The following TTC28 variants were observed in gnomAD, a reference collection of about 807,000 sequenced individuals.
TTC28 encodes tetratricopeptide repeat protein 28.
Under a neutral mutation model 198.0 loss-of-function variants are expected in TTC28, and 61 were observed. The ratio of observed to expected loss-of-function variants is 0.31; its 90% CI spans 0.25 to 0.38. The LOEUF is 0.38. Ranked by LOEUF, TTC28 falls within the 10% of genes least tolerant of loss-of-function variation. TTC28 has a pLI of 1.00. For missense variants in TTC28, 2,678 were observed against 3,164.0 expected (o/e 0.85, Z 3.69); for synonymous variants, 1,171 against 1,297.8 (o/e 0.90, Z 2.10).
chr22:28,182,437 CAG>C (rs1461911030), intron 5 of TTC28, among the ~76,000 whole-genome samples: 2 of 151,794 alleles, frequency 1.3e-5, no homozygotes, highest in Non-Finnish European at 1.5e-5. Context: ...TGAAGAAACT[CAG>C]AGAGAGAGAG....
At chr22:28,245,139 T>C (rs1189655415) in intron 5 of TTC28, among the ~76,000 whole-genome samples, 2 of 152,216 alleles carry the variant, frequency 1.3e-5, no homozygotes, top group Admixed American at 1.3e-4. Context: ...GTCATGCTTA[T>C]ATTCACAAAT....
chr22:28,063,546 C>T (rs1386156144), intron 12 of TTC28, among the ~76,000 whole-genome samples: 1 of 152,196 alleles, frequency 6.6e-6, no homozygotes, highest in East Asian at 1.9e-4. Context: ...CCACTGCCCA[C>T]CGCAGAGAGT....
intron 17 of TTC28, 127 bp downstream of exon 17, chr22:27,996,008 C>G: frequency 7.2e-7 from 1 of 1,396,558 alleles, no homozygotes; most frequent in Non-Finnish European, 9.5e-7. Context: ...CAGTGCCATC[C>G]TGGACACGGC....
intron 5 of TTC28, among the ~76,000 whole-genome samples, chr22:28,243,705 G>A (rs758025644): frequency 6.6e-6 from 1 of 152,082 alleles, no homozygotes; most frequent in African/African-American, 2.4e-5. Flanking sequence ...ATGTGGGGTG[G>A]GATGGGGTCC....
intron 12 of TTC28, among the ~76,000 whole-genome samples, chr22:28,032,205 AATATATATATATAAAAT>A (rs1332522959): frequency 3.8e-4 from 38 of 100,800 alleles, no homozygotes; most frequent in South Asian, 8.3e-4. Flanking sequence ...ATATATATAA[AATATATATATATAAAAT>A]ATATATATAT....
chr22:28,023,246 G>C (rs1179644142), intron 13 of TTC28, among the ~76,000 whole-genome samples: 1 of 152,236 alleles, frequency 6.6e-6, no homozygotes, highest in Non-Finnish European at 1.5e-5. Flanking sequence ...GCAGTTGGTG[G>C]TGCCCGGCCT....
At chr22:28,149,788 A>G (rs1943564186) in intron 6 of TTC28, among the ~76,000 whole-genome samples, 1 of 152,174 alleles carries the variant, frequency 6.6e-6, no homozygotes, top group South Asian at 2.1e-4. Flanking sequence ...AAAGGGTGCA[A>G]ATTTCCAGTT....
chr22:28,546,804 A>T (rs1038163480), intron 2 of TTC28, among the ~76,000 whole-genome samples: 2 of 152,252 alleles, frequency 1.3e-5, no homozygotes, highest in African/African-American at 4.8e-5. Flanking sequence ...AAAAGGAGTA[A>T]ATTACTTATA....
chr22:28,063,734 C>G (rs536888709), intron 12 of TTC28, among the ~76,000 whole-genome samples: 1 of 152,000 alleles, frequency 6.6e-6, no homozygotes, highest in Non-Finnish European at 1.5e-5. Context: ...CCCATCCACA[C>G]GCATAACACA....
intron 2 of TTC28, among the ~76,000 whole-genome samples, chr22:28,348,319 A>G (rs556202104): frequency 6.6e-6 from 1 of 152,222 alleles, no homozygotes; most frequent in Admixed American, 6.5e-5. Flanking sequence ...AGATAGAATG[A>G]AGCTAAGGGA....
At chr22:28,428,878 G>A in intron 2 of TTC28, among the ~76,000 whole-genome samples, 1 of 151,944 alleles carries the variant, frequency 6.6e-6, no homozygotes, top group East Asian at 1.9e-4. Flanking sequence ...CTGACCTCGT[G>A]ATCTGCCCGC....
intron 5 of TTC28, among the ~76,000 whole-genome samples, chr22:28,236,764 A>G (rs1195159262): frequency 6.6e-6 from 1 of 152,200 alleles, no homozygotes; most frequent in Non-Finnish European, 1.5e-5. Flanking sequence ...AGAGAAAGGA[A>G]CCAGAAAGCT....
chr22:28,609,698 T>C (rs933515370), intron 2 of TTC28, among the ~76,000 whole-genome samples: 1 of 151,928 alleles, frequency 6.6e-6, no homozygotes, highest in African/African-American at 2.4e-5. Context: ...TTTTTTTTTT[T>C]CCATATCCCA....
At chr22:28,401,380 C>A (rs908697419) in intron 2 of TTC28, among the ~76,000 whole-genome samples, 1 of 152,114 alleles carries the variant, frequency 6.6e-6, no homozygotes, top group Admixed American at 6.6e-5. Context: ...CTTTGGGAGA[C>A]CGACGTGGGC....
chr22:28,270,974 G>A (rs1044686561), intron 5 of TTC28, among the ~76,000 whole-genome samples: 16 of 152,150 alleles, frequency 1.1e-4, no homozygotes, highest in Admixed American at 6.5e-4. Flanking sequence ...ATTCAATAGT[G>A]TATCCTCTGA....
chr22:28,282,947 G>A (rs2044613025), intron 5 of TTC28, among the ~76,000 whole-genome samples: 1 of 152,050 alleles, frequency 6.6e-6, no homozygotes, highest in South Asian at 2.1e-4. Flanking sequence ...TTCTTTTGAG[G>A]TGGTAATTAT....
At chr22:28,062,484 T>C (rs1425295323) in intron 12 of TTC28, among the ~76,000 whole-genome samples, 1 of 151,720 alleles carries the variant, frequency 6.6e-6, no homozygotes, top group Non-Finnish European at 1.5e-5. Flanking sequence ...CTTTTTATTT[T>C]TTAGAGACAG....
At chr22:28,586,962 G>A (rs1418188057) in intron 2 of TTC28, among the ~76,000 whole-genome samples, 3 of 152,142 alleles carry the variant, frequency 2.0e-5, no homozygotes, top group Non-Finnish European at 2.9e-5. Context: ...TAGCTCACGT[G>A]TGTAATCTCA....
chr22:27,993,262 C>CT, intron 18 of TTC28, 25 bp downstream of exon 18: 1 of 1,487,110 alleles, frequency 6.7e-7, no homozygotes, highest in Non-Finnish European at 8.9e-7. Flanking sequence ...AGGCCTGTTG[C>CT]CCCAGCCCTA....
Sources: gnomAD v4.1 joint callset for allele counts (sites outside exome capture counted in the v4.1 genomes callset) on GRCh38, gnomAD v4.1.1 for gene constraint, MANE v1.5 for transcripts, NCBI Gene and HGNC (gene_info 2026-07-23, HGNC 2026-07-21) for gene names.